PCDHGA2: variants seen among roughly 807,000 people sequenced by gnomAD.
The protein encoded by PCDHGA2 is protocadherin gamma-A2.
A neutral mutation model predicts 59.2 loss-of-function variants in PCDHGA2; 40 were observed. The ratio of observed to expected loss-of-function variants is 0.68; its 90% CI spans 0.52 to 0.88. PCDHGA2 has a LOEUF of 0.88. Ranked by LOEUF, PCDHGA2 falls within the 40% of genes least tolerant of loss-of-function variation. PCDHGA2 has a pLI of 0.00. For synonymous variants in PCDHGA2, 560 were observed against 526.0 expected (o/e 1.06, Z -0.89); for missense variants, 1,226 against 1,204.0 (o/e 1.02, Z -0.27).
chr5:141,421,527 GTCC>G (rs2096581302), intron 1 of PCDHGA2: 1 of 1,614,050 alleles, frequency 6.2e-7, no homozygotes, highest in African/African-American at 1.3e-5. Flanking sequence ...GTGAGACGGT[GTCC>G]TCCTGTTTTT....
intron 1 of PCDHGA2, chr5:141,350,136 T>C: frequency 2.6e-6 from 2 of 762,100 alleles, no homozygotes; most frequent in East Asian, 5.8e-5. Flanking sequence ...GCACAGACGC[T>C]GCTCCTGTTC....
At position 141,502,499 on chromosome 5, in the gene PCDHGA2, C is replaced by T. The variant is rs552402476; in HGVS notation, c.2484-2894C>T. ...CATCACACTGGGACTCATCTAACGT[C>T]GGCCTGTCCCACTATCAGTGATGCC... On this transcript the variant is annotated intron_variant, in intron 2 of 3. Coordinates refer to ENST00000394576, the MANE Select transcript of PCDHGA2 (RefSeq NM_018915.4). Among the ~76,000 whole-genome samples, 24 of 152,240 alleles carry T rather than the reference C, an allele frequency of 1.6e-4. No homozygotes were observed. In the East Asian group the frequency reaches 4.1e-3, roughly 26 times the overall value.
chr5:141,385,635 C>G (rs148433768), intron 1 of PCDHGA2: 13 of 870,194 alleles, frequency 1.5e-5, no homozygotes, highest in African/African-American at 1.8e-5. Context: ...TGAATCGAGT[C>G]TTTCATATTG....
At chr5:141,413,338 G>A in intron 1 of PCDHGA2, 1 of 1,613,980 alleles carries the variant, frequency 6.2e-7, no homozygotes, top group African/African-American at 1.3e-5. Context: ...CATCTCCAAG[G>A]ACTTGGGTCT....
Position 141,489,978 on chromosome 5 carries a change from T to C in PCDHGA2, c.2425-4829T>C. 6.2e-7 allele frequency: 1 copy of C among 1,614,192 alleles called. No homozygotes were observed. Among genetic ancestry groups the C allele is most frequent in the Non-Finnish European group, 8.5e-7 (1 of 1,180,012 alleles). On this transcript the variant is annotated intron_variant, in intron 1 of 3. Coordinates refer to ENST00000394576, the MANE Select transcript of PCDHGA2 (RefSeq NM_018915.4). The surrounding 1 kb of genome is among the most constrained non-coding windows in gnomAD (Gnocchi z 4.5). ...ATGCTCCAACCTTCCAATCCTCAGT[T>C]CTACGTGTGGGAATCCCAGAGAATG...
chr5:141,478,801 T>G (rs2099477985), intron 1 of PCDHGA2: 1 of 1,463,438 alleles, frequency 6.8e-7, no homozygotes, highest in African/African-American at 1.4e-5. Flanking sequence ...TCAGCACTCT[T>G]TTGCTATCAC....
At chr5:141,463,418 C>A (rs1442067485) in intron 1 of PCDHGA2, among the ~76,000 whole-genome samples, 3 of 138,240 alleles carry the variant, frequency 2.2e-5, no homozygotes, top group Admixed American at 7.4e-5. Context: ...TCCTAGTTTG[C>A]GGATCCTCAT....
At chr5:141,430,818 T>G (rs1240970813) in intron 1 of PCDHGA2, 2 of 1,540,582 alleles carry the variant, frequency 1.3e-6, no homozygotes, top group Non-Finnish European at 1.7e-6. Flanking sequence ...GGAATCCTCC[T>G]GGGGACTCTG....
chr5:141,393,206 A>G (rs774279389), intron 1 of PCDHGA2: 2 of 1,613,588 alleles, frequency 1.2e-6, no homozygotes, highest in Non-Finnish European at 1.7e-6. Flanking sequence ...ATAATAACCC[A>G]AAATTCCAGG....
Position 141,364,261 on chromosome 5 carries a change from T to C in PCDHGA2, c.2424+22866T>C. On this transcript the variant is annotated intron_variant, in intron 1 of 3. Coordinates refer to ENST00000394576, the MANE Select transcript of PCDHGA2 (RefSeq NM_018915.4). ...ATTTTCGTCAGGGAATATGTACCCA[T>C]CGGCTTTAGATAAATAAGGAAACAG... The C allele has an allele frequency of 5.3e-6, 8 of 1,504,792 alleles. No individual in the cohort carries two copies. The South Asian group carries it at 1.1e-4, about 21-fold the overall frequency. The allele number at this position is 1,504,792 out of a possible 1,614,324, so 93.2% of individuals were successfully genotyped here. A position where few individuals can be genotyped will look rare whatever the true frequency, so the allele number is the denominator to read the frequency against.
At chr5:141,423,836 GATA>G (rs752488755) in intron 1 of PCDHGA2, 23 of 1,275,246 alleles carry the variant, frequency 1.8e-5, no homozygotes, top group Non-Finnish European at 2.1e-5. Context: ...ATGAGATTAC[GATA>G]ATCTTTCAGA....
At chr5:141,400,629 C>A (rs1416723451) in intron 1 of PCDHGA2, 1 of 1,389,786 alleles carries the variant, frequency 7.2e-7, no homozygotes, top group African/African-American at 1.4e-5. Context: ...TTAGGGAAGT[C>A]AGAGCTGCTC....
chr5:141,352,175 C>G, intron 1 of PCDHGA2: 1 of 1,613,662 alleles, frequency 6.2e-7, no homozygotes, highest in Admixed American at 1.7e-5. Context: ...CCAGCGCCTG[C>G]TGGTCGCTGT....
rs751976949 is a variant in PCDHGA2, at chr5:141,414,873, C to A, written c.2424+73478C>A. The A allele has an allele frequency of 6.2e-6, 10 of 1,614,108 alleles. No homozygotes were observed. The Admixed American group carries it at 1.2e-4, about 19-fold the overall frequency. ...ACCAGAACGACAATGCGCCCGAGAT[C>A]CTGTACCCCGCCCTCCCCACAGACG... On this transcript the variant is annotated intron_variant, in intron 1 of 3. Transcript: ENST00000394576.
intron 1 of PCDHGA2, among the ~76,000 whole-genome samples, chr5:141,380,336 G>C (rs1221282125): frequency 6.6e-6 from 1 of 152,060 alleles, no homozygotes; most frequent in Non-Finnish European, 1.5e-5. Flanking sequence ...GAACTTCAAA[G>C]AACTGTTTTG....
rs1014896576 is a variant in PCDHGA2, at chr5:141,512,427, C to T, written c.*1254C>T. 6.5e-6 allele frequency: 1 copy of T among 152,788 alleles called. No individual in the cohort carries two copies. Among genetic ancestry groups the T allele is most frequent in the African/African-American group, 2.4e-5 (1 of 41,460 alleles). The allele number at this position is 152,788 out of a possible 1,614,324, so 9.5% of individuals were successfully genotyped here. A position where few individuals can be genotyped will look rare whatever the true frequency, so the allele number is the denominator to read the frequency against. On this transcript the variant is annotated 3_prime_UTR_variant, in exon 4 of 4. Transcript: ENST00000394576. ...GGGCTTCTTCAACAGGGCCCCTGCC[C>T]TCCTGAAGCCTCAGTCCTTCACCTT...
intron 1 of PCDHGA2, chr5:141,362,469 A>G (rs1762523966): frequency 6.2e-7 from 1 of 1,613,958 alleles, no homozygotes; most frequent in Admixed American, 1.7e-5. Context: ...TTCCCGCGCA[A>G]GATCTCGTCT....
At position 141,403,043 on chromosome 5, in the gene PCDHGA2, A is replaced by C. The variant is rs779412498; in HGVS notation, c.2424+61648A>C. On this transcript the variant is annotated intron_variant, in intron 1 of 3. Coordinates refer to ENST00000394576, the MANE Select transcript of PCDHGA2 (RefSeq NM_018915.4). ...GCTATGGGAGGCCAGGGCCAGTCAG[A>C]TTCGCTACTCAGTGCCTGAAGAGAC... 21 of 1,614,070 alleles carry C rather than the reference A, an allele frequency of 1.3e-5. No homozygotes were observed. In the South Asian group the frequency reaches 2.3e-4, roughly 18 times the overall value.
intron 1 of PCDHGA2, among the ~76,000 whole-genome samples, chr5:141,471,995 TG>T: frequency 6.6e-6 from 1 of 152,322 alleles, no homozygotes; most frequent in East Asian, 1.9e-4. Context: ...TAAAAATCCC[TG>T]CATCGTATAG....
Sources: gnomAD v4.1 joint callset for allele counts (sites outside exome capture counted in the v4.1 genomes callset) on GRCh38, gnomAD v4.1.1 for gene constraint, Gnocchi (gnomAD v3.1) non-coding constraint, MANE v1.5 for transcripts, NCBI Gene and HGNC (gene_info 2026-07-23, HGNC 2026-07-21) for gene names.